The following ERVFRD-1 variants were observed in gnomAD, a reference collection of about 807,000 sequenced individuals.
The protein encoded by ERVFRD-1 is endogenous retrovirus group FRD member 1, envelope.
Under a neutral mutation model 43.8 loss-of-function variants are expected in ERVFRD-1, and 33 were observed. The ratio of observed to expected loss-of-function variants is 0.75; its 90% confidence interval spans 0.57 to 1.01. The LOEUF (loss-of-function observed/expected upper bound fraction) is 1.01, where lower values mean the gene tolerates loss of function less well. Among genes scored for constraint, ERVFRD-1 ranks in the 50% least tolerant of loss-of-function variants. The probability of loss-of-function intolerance (pLI) is 0.00; values close to 1 mark genes in which losing one functional copy is unlikely to be tolerated. For synonymous variants in ERVFRD-1, 239 were observed against 244.4 expected (o/e 0.98, Z 0.21); for missense variants, 568 against 658.4 (o/e 0.86, Z 1.50).
Position 11,104,597 on chromosome 6 carries a change from A to T in ERVFRD-1, c.714T>A (p.Phe238Leu). 1 of 1,614,076 alleles carries T rather than the reference A, an allele frequency of 6.2e-7. No individual in the cohort carries two copies. ...VLLDQTRNSL[F>L]WENKTKGANQ... is the part of the protein sequence containing the mutation. Reference sequence around the variant, plus strand: ...TAGCTCCCTTGGTTTTATTTTCCCAAAAAAGAGAATTTCGAGTTTGGTCCA... The same window carrying T: ...TAGCTCCCTTGGTTTTATTTTCCCATAAAAGAGAATTTCGAGTTTGGTCCA... The change falls in exon 2 of 2, where the codon TTT becomes TTA. Residue 238 changes from phenylalanine (F) to leucine (L), a missense_variant. Coordinates refer to ENST00000472091, the MANE Select transcript of ERVFRD-1 (RefSeq NM_207582.3).
Position 11,104,363 on chromosome 6 carries a change from A to G in ERVFRD-1, c.948T>C (p.Thr316=). The change falls in exon 2 of 2, where the codon ACT becomes ACC. Residue 316 remains threonine, a synonymous_variant. Coordinates refer to ENST00000472091, the MANE Select transcript of ERVFRD-1 (RefSeq NM_207582.3). The stretch of plus-strand genomic sequence containing the variant: ...CTGGGGTTACATAGCCTATGGTACA[A>G]GTTCCAGTCCAGTTACTGGGGAGGC... ...HQCLPSNWTG[T]CTIGYVTPDI... 6.4e-7 allele frequency: 1 copy of G among 1,551,744 alleles called. No individual in the cohort carries two copies. The highest frequency in any genetic ancestry group is 8.7e-7 in the Non-Finnish European group (1 of 1,147,000).
Position 11,104,032 on chromosome 6 carries a change from G to A in ERVFRD-1, c.1279C>T (p.Gln427Ter). Residue 427 changes from glutamine to a stop codon, truncating the protein, a stop_gained, in exon 2 of 2, where the codon CAG becomes TAG. Transcript: ENST00000472091. LOFTEE classifies it high-confidence loss of function. The part of the protein sequence containing the change: ...RRGLDMLTAA[Q>*]GGICLALDEK... ...TCTAAGGCCAAACAAATTCCTCCCT[G>A]TGCTGCCGTTAACATGTCTAGTCCT... 2 of 1,551,728 alleles carry A rather than the reference G, an allele frequency of 1.3e-6. No individual in the cohort carries two copies. The highest frequency in any genetic ancestry group is 8.7e-7 in the Non-Finnish European group (1 of 1,147,000).
intron 1 of ERVFRD-1, among the ~76,000 whole-genome samples, chr6:11,105,842 G>A (rs1212181090): frequency 9.2e-5 from 14 of 152,152 alleles, no homozygotes; most frequent in Admixed American, 9.2e-4. Flanking sequence ...CATAGTGGGT[G>A]ATTTTAGCAG....
chr6:11,111,086 T>G (rs2113650719), intron 1 of ERVFRD-1, among the ~76,000 whole-genome samples: 1 of 152,302 alleles, frequency 6.6e-6, no homozygotes, highest in East Asian at 1.9e-4. Flanking sequence ...TCATCCGAGC[T>G]GGTAGGGTAA....
At chr6:11,107,333 T>C (rs1379338949) in intron 1 of ERVFRD-1, among the ~76,000 whole-genome samples, 1 of 152,224 alleles carries the variant, frequency 6.6e-6, no homozygotes. Context: ...TCAGACACGT[T>C]GTATTCTCTG....
intron 1 of ERVFRD-1, among the ~76,000 whole-genome samples, chr6:11,108,765 C>T (rs778875418): frequency 4.9e-4 from 74 of 152,190 alleles, no homozygotes; most frequent in Non-Finnish European, 8.2e-4. Flanking sequence ...GGATCCAGTG[C>T]TAGTTTCTGG....
At position 11,104,464 on chromosome 6, in the gene ERVFRD-1, AG is replaced by A. The variant is rs1758051837; in HGVS notation, c.846del (p.Leu283TyrfsTer37). ...VSEFFGTSLT[P>X]LFHFHISTCL... ...CATGTAGAGATATGGAAATGAAATA[AG>A]GGGGTGAGGGAGGTTCCAAAAAATT... On this transcript the variant is annotated frameshift_variant, in exon 2 of 2. Coordinates refer to ENST00000472091, the MANE Select transcript of ERVFRD-1 (RefSeq NM_207582.3). LOFTEE classifies it high-confidence loss of function. The A allele has an allele frequency of 6.4e-7, 1 of 1,552,132 alleles. No individual in the cohort carries two copies. Among genetic ancestry groups the A allele is most frequent in the Non-Finnish European group, 8.7e-7 (1 of 1,147,212 alleles).
chr6:11,106,674 G>C (rs1311956428), intron 1 of ERVFRD-1, among the ~76,000 whole-genome samples: 5 of 152,210 alleles, frequency 3.3e-5, no homozygotes, highest in Admixed American at 3.3e-4. Flanking sequence ...TGGGGAGAGA[G>C]ATGAGCAAGG....
intron 1 of ERVFRD-1, among the ~76,000 whole-genome samples, chr6:11,110,666 AC>A (rs1758153549): frequency 6.6e-6 from 1 of 152,214 alleles, no homozygotes; most frequent in Non-Finnish European, 1.5e-5. Context: ...TCCCTCTGCT[AC>A]AGGAGAAAGC....
chr6:11,105,149 T>TG lies in ERVFRD-1; in HGVS notation c.161dup (p.Gly55ArgfsTer27). ...TGGGCGAGGCTGGATAAGCTGTCCC[T>TG]GGTGTTTCAGTGGAAGAGCTAGTAC... On this transcript the variant is annotated frameshift_variant, in exon 2 of 2. Coordinates refer to ENST00000472091, the MANE Select transcript of ERVFRD-1 (RefSeq NM_207582.3). LOFTEE classifies it high-confidence loss of function. 6.2e-7 allele frequency: 1 copy of TG among 1,614,222 alleles called. No individual in the cohort carries two copies. Among genetic ancestry groups the TG allele is most frequent in the Non-Finnish European group, 8.5e-7 (1 of 1,180,032 alleles).
At chr6:11,108,691 C>T (rs888729218) in intron 1 of ERVFRD-1, among the ~76,000 whole-genome samples, 2 of 152,194 alleles carry the variant, frequency 1.3e-5, no homozygotes, top group African/African-American at 2.4e-5. Flanking sequence ...TTTCCTACTC[C>T]TCCTGGTTTT....
intron 1 of ERVFRD-1, among the ~76,000 whole-genome samples, chr6:11,108,500 G>A (rs1263723886): frequency 6.6e-6 from 1 of 152,296 alleles, no homozygotes; most frequent in Middle Eastern, 3.4e-3. Flanking sequence ...AGCATGGAGA[G>A]CTGGGGGTGG....
rs1758047192 is a variant in ERVFRD-1 at position 11,104,245 on chromosome 6, G to T, written c.1066C>A (p.Pro356Thr). 6.4e-7 allele frequency: 1 copy of T among 1,551,586 alleles called. No homozygotes were observed. Among genetic ancestry groups the T allele is most frequent in the Admixed American group, 2.0e-5 (1 of 50,976 alleles). The change falls in exon 2 of 2, where the codon CCC (proline) becomes ACC (threonine). Residue 356 changes from proline (P) to threonine (T), a missense_variant. Physicochemically the swap from Pro to Thr is conservative, Grantham distance 38 (BLOSUM62 -1). Transcript: ENST00000472091. ...PRVRRAIHFI[P>T]LLAGLGILAG... Reference sequence around the variant, plus strand: ...AGAATGCCGAGTCCCGCGAGAAGGGGAATGAAATGGATTGCCCTCCTCACC... The same window carrying T: ...AGAATGCCGAGTCCCGCGAGAAGGGTAATGAAATGGATTGCCCTCCTCACC...
intron 1 of ERVFRD-1, among the ~76,000 whole-genome samples, chr6:11,110,585 A>G (rs1404893029): frequency 1.3e-5 from 2 of 152,162 alleles, no homozygotes; most frequent in East Asian, 1.9e-4. Context: ...GGAATGGAGG[A>G]AAATTTGTAT....
rs1373326164 is a variant in ERVFRD-1, at chr6:11,104,355, A to G, written c.956T>C (p.Ile319Thr). 6.4e-6 allele frequency: 10 copies of G among 1,551,608 alleles called. No homozygotes were observed. Among genetic ancestry groups the G allele is most frequent in the African/African-American group, 5.5e-5 (4 of 73,046 alleles). ...GAAGATGTCTGGGGTTACATAGCCTATGGTACAAGTTCCAGTCCAGTTACT... is the reference window on the plus strand; with the variant it reads ...GAAGATGTCTGGGGTTACATAGCCTGTGGTACAAGTTCCAGTCCAGTTACT... Reference protein sequence around the residue: ...LPSNWTGTCTIGYVTPDIFIA... With the variant: ...LPSNWTGTCTTGYVTPDIFIA... The change falls in exon 2 of 2, where the codon ATA becomes ACA. Residue 319 changes from isoleucine (I) to threonine (T), a missense_variant. Physicochemically the swap from Ile to Thr is moderately conservative, Grantham distance 89. Transcript: ENST00000472091.
intron 1 of ERVFRD-1, among the ~76,000 whole-genome samples, chr6:11,106,974 A>G (rs1758094014): frequency 6.6e-6 from 1 of 152,206 alleles, no homozygotes; most frequent in South Asian, 2.1e-4. Context: ...CCCCTAGTTT[A>G]GGGCTTTCGT....
rs1342996048 is a variant in ERVFRD-1, at chr6:11,105,571, T to A, written c.-261A>T. The stretch of plus-strand genomic sequence containing the variant: ...GGTTCTGGCTCTGGAGTTTAAGGGC[T>A]TTTCCACAGCTTCACTTGGGTGTGA... On this transcript the variant is annotated 5_prime_UTR_variant, in exon 2 of 2. In the 5' UTR this introduces an upstream ATG that the reference lacks. Coordinates refer to ENST00000472091, the MANE Select transcript of ERVFRD-1 (RefSeq NM_207582.3). 2 of 417,298 alleles carry A rather than the reference T, an allele frequency of 4.8e-6. No homozygotes were observed. Among genetic ancestry groups the A allele is most frequent in the African/African-American group, 2.0e-5 (1 of 49,858 alleles). 25.8% of individuals were successfully genotyped at this position (417,298 alleles called of 1,614,324 possible).
At chr6:11,109,528 A>G (rs141581791) in intron 1 of ERVFRD-1, among the ~76,000 whole-genome samples, 2 of 152,108 alleles carry the variant, frequency 1.3e-5, no homozygotes, top group South Asian at 2.1e-4. Flanking sequence ...CTGCATGACT[A>G]TGGCCATGGA....
intron 1 of ERVFRD-1, among the ~76,000 whole-genome samples, chr6:11,106,199 C>G (rs1415196464): frequency 2.0e-5 from 3 of 152,202 alleles, no homozygotes; most frequent in Non-Finnish European, 2.9e-5. Flanking sequence ...AGGAATTTAG[C>G]TACCTCCTGT....
Sources: gnomAD v4.1 joint callset for allele counts (sites outside exome capture counted in the v4.1 genomes callset) on GRCh38, gnomAD v4.1.1 for gene constraint, MANE v1.5 for transcripts, NCBI Gene and HGNC (gene_info 2026-07-23, HGNC 2026-07-21) for gene names.